FOXK1: variants seen among roughly 807,000 people sequenced by gnomAD.
The protein encoded by FOXK1 is forkhead box protein K1.
FOXK1 carries 19 observed loss-of-function variants against 51.9 expected under a neutral mutation model. That is an observed-to-expected ratio of 0.37 (90% confidence interval 0.26 to 0.54). The LOEUF is 0.54. Ranked by LOEUF, FOXK1 falls within the 20% of genes least tolerant of loss-of-function variation. FOXK1 has a pLI of 0.87. For synonymous variants in FOXK1, 537 were observed against 482.6 expected (o/e 1.11, Z -1.48); for missense variants, 870 against 1,032.7 (o/e 0.84, Z 2.16).
In FOXK1 at chr7:4,747,509, A is replaced by G. The variant is rs1307041712; in HGVS notation, c.746+6486A>G. 1.3e-5 allele frequency among the ~76,000 whole-genome samples: 2 copies of G among 152,072 alleles called. No homozygotes were observed. The highest frequency in any genetic ancestry group is 4.8e-5 in the African/African-American group (2 of 41,406). On this transcript the variant is annotated intron_variant, in intron 2 of 8. Transcript: ENST00000328914. This position sits in a 1 kb window ranked among gnomAD's most constrained non-coding sequence, Gnocchi z 9.2. ...ATTATTATTTTTAATGCTGGTTCCA[A>G]TTTGGGTTTGGGGGGTTGATTTTGT...
Position 4,733,176 on chromosome 7 carries a change from G to A in FOXK1, c.561-7662G>A, listed in dbSNP as rs541723165. On this transcript the variant is annotated intron_variant, in intron 1 of 8. Transcript: ENST00000328914. The surrounding 1 kb of genome is among the most constrained non-coding windows in gnomAD (Gnocchi z 5.0). ...CAAGTTTGTTTCTTTTATACGTGAC[G>A]GTCTTTTTTTTTTTAATTTTATTAT... Among the ~76,000 whole-genome samples the A allele has an allele frequency of 6.6e-6, 1 of 151,566 alleles. No individual in the cohort carries two copies. The highest frequency in any genetic ancestry group is 2.4e-5 in the African/African-American group (1 of 41,054).
At chr7:4,691,198 G>A (rs999203335) in intron 1 of FOXK1, among the ~76,000 whole-genome samples, 2 of 152,176 alleles carry the variant, frequency 1.3e-5, no homozygotes, top group African/African-American at 4.8e-5. Flanking sequence ...TGTTGATGAT[G>A]TATGTTTTCC....
rs1780511347 is a variant in FOXK1, at chr7:4,733,703, G to A, written c.561-7135G>A. 6.6e-6 allele frequency among the ~76,000 whole-genome samples: 1 copy of A among 152,218 alleles called. No homozygotes were observed. The highest frequency in any genetic ancestry group is 2.4e-5 in the African/African-American group (1 of 41,460). ...GCTGCCCAGTGCCCACATGGGAACT[G>A]CATCCTGCAGGTATCGCTCGTGAAA... On this transcript the variant is annotated intron_variant, in intron 1 of 8. Transcript: ENST00000328914. This position sits in a 1 kb window ranked among gnomAD's most constrained non-coding sequence, Gnocchi z 5.0.
chr7:4,691,256 A>T (rs1227413734), intron 1 of FOXK1, among the ~76,000 whole-genome samples: 1 of 152,222 alleles, frequency 6.6e-6, no homozygotes, highest in Non-Finnish European at 1.5e-5. Context: ...TTACTTAAAC[A>T]TAACAGTTTC....
At chr7:4,717,458 G>T (rs577827461) in intron 1 of FOXK1, among the ~76,000 whole-genome samples, 1 of 51,492 alleles carries the variant, frequency 1.9e-5, no homozygotes, top group Admixed American at 1.5e-4. Flanking sequence ...GAGGTGTGTG[G>T]CTGGGAGGCA....
At position 4,711,488 on chromosome 7, in the gene FOXK1, G is replaced by A. The variant is rs751489417; in HGVS notation, c.560+28620G>A. ...GTGACTTTCTCAGTGGCCCTCAGACGTCTTGGCAAGTGAAGAGTGTGAAGA... is the reference window on the plus strand; with the variant it reads ...GTGACTTTCTCAGTGGCCCTCAGACATCTTGGCAAGTGAAGAGTGTGAAGA... On this transcript the variant is annotated intron_variant, in intron 1 of 8. Coordinates refer to ENST00000328914, the MANE Select transcript of FOXK1 (RefSeq NM_001037165.2). The surrounding 1 kb of genome is among the most constrained non-coding windows in gnomAD (Gnocchi z 6.3). Among the ~76,000 whole-genome samples, 13 of 152,278 alleles carry A rather than the reference G, an allele frequency of 8.5e-5. No individual in the cohort carries two copies. Among genetic ancestry groups the A allele is most frequent in the East Asian group, 7.7e-4 (4 of 5,178 alleles).
chr7:4,705,651 C>G (rs972158691), intron 1 of FOXK1, among the ~76,000 whole-genome samples: 1 of 151,592 alleles, frequency 6.6e-6, no homozygotes, highest in African/African-American at 2.4e-5. Context: ...ATTCTCCTGC[C>G]TCAGCCTCCC....
chr7:4,693,161 A>G (rs752637246), intron 1 of FOXK1, among the ~76,000 whole-genome samples: 55 of 152,152 alleles, frequency 3.6e-4, no homozygotes, highest in Non-Finnish European at 6.0e-4. Flanking sequence ...TGGCAAGAAT[A>G]TTGATTGAGT....
chr7:4,762,078 G>T lies in FOXK1; in HGVS notation c.1922-106G>T. On this transcript the variant is annotated intron_variant, in intron 8 of 8. Transcript: ENST00000328914. This position sits in a 1 kb window ranked among gnomAD's most constrained non-coding sequence, Gnocchi z 5.7. ...CCGTCCTGCCTGGCAGGGGTGCACT[G>T]ACCTCCGGTTCCGGCTTGGTGGCTT... The T allele has an allele frequency of 7.4e-7, 1 of 1,352,274 alleles. No homozygotes were observed. 83.8% of individuals were successfully genotyped at this position (1,352,274 alleles called of 1,614,324 possible). A position where few individuals can be genotyped will look rare whatever the true frequency, so the allele number is the denominator to read the frequency against.
intron 1 of FOXK1, among the ~76,000 whole-genome samples, chr7:4,704,055 C>T (rs1471678820): frequency 6.6e-6 from 1 of 152,194 alleles, no homozygotes; most frequent in Admixed American, 6.5e-5. Flanking sequence ...CAGTGTCTAA[C>T]CCTGGTAGCG....
rs1487303249 is a variant in FOXK1, at chr7:4,761,752, C to T, written c.1922-432C>T. Among the ~76,000 whole-genome samples the T allele has an allele frequency of 2.0e-5, 3 of 152,024 alleles. No individual in the cohort carries two copies. The highest frequency in any genetic ancestry group is 2.9e-5 in the Non-Finnish European group (2 of 68,016). ...GGGTGGAAGGAAAACCCAGATCTGC[C>T]CACTCTCTGGAGCTCACACTCCATG... On this transcript the variant is annotated intron_variant, in intron 8 of 8. Coordinates refer to ENST00000328914, the MANE Select transcript of FOXK1 (RefSeq NM_001037165.2). The surrounding 1 kb of genome is among the most constrained non-coding windows in gnomAD (Gnocchi z 6.2).
intron 1 of FOXK1, among the ~76,000 whole-genome samples, chr7:4,736,165 C>A (rs1388495874): frequency 6.6e-6 from 1 of 152,136 alleles, no homozygotes; most frequent in African/African-American, 2.4e-5. Context: ...TAAATAAAAT[C>A]AAGTAGCATG....
chr7:4,713,086 C>T (rs1406111349), intron 1 of FOXK1, among the ~76,000 whole-genome samples: 1 of 152,176 alleles, frequency 6.6e-6, no homozygotes, highest in Non-Finnish European at 1.5e-5. Flanking sequence ...AACTTTGGTT[C>T]AGGTCATTTA....
intron 1 of FOXK1, among the ~76,000 whole-genome samples, chr7:4,706,053 T>TATACGTATATACAC (rs1469959937): frequency 4.0e-5 from 5 of 124,934 alleles, no homozygotes; most frequent in African/African-American, 2.2e-4. Context: ...CGTGTATATA[T>TATACGTATATACAC]GTATATATAT....
intron 1 of FOXK1, among the ~76,000 whole-genome samples, chr7:4,719,996 T>A (rs983920912): frequency 1.3e-5 from 2 of 152,246 alleles, no homozygotes; most frequent in African/African-American, 4.8e-5. Flanking sequence ...GCTTTACGTT[T>A]TGATGACGTC....
chr7:4,691,919 T>C (rs998365142), intron 1 of FOXK1, among the ~76,000 whole-genome samples: 2 of 152,160 alleles, frequency 1.3e-5, no homozygotes, highest in Non-Finnish European at 2.9e-5. Context: ...TGCTGGACAT[T>C]CTCTGCTTAT....
At position 4,735,194 on chromosome 7, in the gene FOXK1, C is replaced by G. The variant is rs1780537047; in HGVS notation, c.561-5644C>G. Among the ~76,000 whole-genome samples, 2 of 151,932 alleles carry G rather than the reference C, an allele frequency of 1.3e-5. No homozygotes were observed. Among genetic ancestry groups the G allele is most frequent in the African/African-American group, 4.8e-5 (2 of 41,358 alleles). On this transcript the variant is annotated intron_variant, in intron 1 of 8. Transcript: ENST00000328914. The surrounding 1 kb of genome is among the most constrained non-coding windows in gnomAD (Gnocchi z 4.7). Reference sequence around the variant, plus strand: ...CGCTGTGTAGAGACGGCTCTGTGGTCTGAGGCTGAGCCAGGCAGTGTCATC... The same window carrying G: ...CGCTGTGTAGAGACGGCTCTGTGGTGTGAGGCTGAGCCAGGCAGTGTCATC...
At chr7:4,706,002 ACG>A (rs1780092493) in intron 1 of FOXK1, among the ~76,000 whole-genome samples, 2 of 103,218 alleles carry the variant, frequency 1.9e-5, no homozygotes, top group African/African-American at 7.4e-5. Flanking sequence ...ACGTATATAT[ACG>A]TATATATACG....
At chr7:4,736,414 G>T (rs868111547) in intron 1 of FOXK1, among the ~76,000 whole-genome samples, 1,766 of 131,244 alleles carry the variant, frequency 0.013, 24 homozygotes, top group African/African-American at 0.041. Flanking sequence ...AATCAGTTTT[G>T]TTTTTTTTTT....
Sources: allele counts gnomAD v4.1 joint callset (sites outside exome capture counted in the v4.1 genomes callset), GRCh38; gene constraint gnomAD v4.1.1; non-coding constraint Gnocchi (gnomAD v3.1); transcripts MANE v1.5; gene names NCBI Gene and HGNC (gene_info 2026-07-23, HGNC 2026-07-21).